CACNA2D3: variants seen among roughly 807,000 people sequenced by gnomAD.
CACNA2D3 encodes the protein voltage-dependent calcium channel subunit alpha-2/delta-3.
CACNA2D3 carries 60 observed loss-of-function variants against 160.6 expected under a neutral mutation model. The observed-to-expected ratio is 0.37, with a 90% confidence interval of 0.30 to 0.46. CACNA2D3 has a LOEUF of 0.46. Among genes scored for constraint, CACNA2D3 ranks in the 20% least tolerant of loss-of-function variants. The pLI is 1.00. For missense variants in CACNA2D3, 1,205 were observed against 1,365.0 expected (o/e 0.88, Z 1.85); for synonymous variants, 558 against 492.9 (o/e 1.13, Z -1.75).
chr3:54,687,044 T>C (rs1700459584), intron 11 of CACNA2D3, among the ~76,000 whole-genome samples: 2 of 151,710 alleles, frequency 1.3e-5, no homozygotes, highest in Admixed American at 6.6e-5. Context: ...ATGGTCTCTA[T>C]AGGTGGCATA....
intron 3 of CACNA2D3, chr3:54,386,099 G>A: frequency 5.3e-6 from 2 of 379,630 alleles, no homozygotes; most frequent in Non-Finnish European, 1.0e-5. Context: ...TGGCTGAGAA[G>A]AATAACAAGA....
chr3:54,802,587 C>T (rs1341370399), intron 13 of CACNA2D3, among the ~76,000 whole-genome samples: 1 of 152,110 alleles, frequency 6.6e-6, no homozygotes, highest in African/African-American at 2.4e-5. Flanking sequence ...AAGAGATACC[C>T]AGCTGCAAGT....
chr3:54,194,823 T>G (rs1003096216), intron 2 of CACNA2D3, among the ~76,000 whole-genome samples: 1 of 152,220 alleles, frequency 6.6e-6, no homozygotes, highest in Non-Finnish European at 1.5e-5. Flanking sequence ...AAAGCCCTCA[T>G]GATTTAATCA....
At chr3:54,872,826 C>T (rs568932602) in intron 18 of CACNA2D3, among the ~76,000 whole-genome samples, 7 of 152,260 alleles carry the variant, frequency 4.6e-5, no homozygotes, top group African/African-American at 1.2e-4. Flanking sequence ...CCCTTTTCCC[C>T]GCAAGCCAAT....
At chr3:54,564,288 T>C (rs1365171384) in intron 6 of CACNA2D3, among the ~76,000 whole-genome samples, 1 of 152,214 alleles carries the variant, frequency 6.6e-6, no homozygotes, top group African/African-American at 2.4e-5. Flanking sequence ...GGAATCCTCA[T>C]AAAGGGTTTG....
At chr3:54,338,839 C>T (rs906478201) in intron 3 of CACNA2D3, among the ~76,000 whole-genome samples, 4 of 152,110 alleles carry the variant, frequency 2.6e-5, no homozygotes, top group African/African-American at 9.7e-5. Flanking sequence ...GCCTGTAAAA[C>T]ATGTGTCCCA....
At chr3:54,534,639 C>G (rs1575508337) in intron 5 of CACNA2D3, among the ~76,000 whole-genome samples, 1 of 151,988 alleles carries the variant, frequency 6.6e-6, no homozygotes, top group East Asian at 1.9e-4. Flanking sequence ...AAAAAAGATT[C>G]TGGCTGGGCA....
intron 29 of CACNA2D3, among the ~76,000 whole-genome samples, chr3:54,975,127 C>G (rs1262408186): frequency 6.6e-6 from 1 of 152,138 alleles, no homozygotes; most frequent in Non-Finnish European, 1.5e-5. Flanking sequence ...ATAATTTAAT[C>G]CAAGTGGTCA....
chr3:54,657,335 C>T (rs1282340494), intron 11 of CACNA2D3, among the ~76,000 whole-genome samples: 1 of 152,146 alleles, frequency 6.6e-6, no homozygotes, highest in Non-Finnish European at 1.5e-5. Flanking sequence ...CACCTCCAAA[C>T]ATTTCCTTGT....
intron 11 of CACNA2D3, among the ~76,000 whole-genome samples, chr3:54,749,155 A>G (rs1701811282): frequency 6.6e-6 from 1 of 152,230 alleles, no homozygotes; most frequent in East Asian, 1.9e-4. Context: ...GTAAAATGGT[A>G]TAAAATTTAT....
At chr3:55,033,137 G>C (rs1380572977) in intron 35 of CACNA2D3, among the ~76,000 whole-genome samples, 1 of 152,114 alleles carries the variant, frequency 6.6e-6, no homozygotes, top group Non-Finnish European at 1.5e-5. Flanking sequence ...GCTTGCCTGA[G>C]GTCCTACAGG....
intron 10 of CACNA2D3, among the ~76,000 whole-genome samples, chr3:54,635,395 G>C (rs1350188707): frequency 6.6e-6 from 1 of 151,992 alleles, no homozygotes; most frequent in Non-Finnish European, 1.5e-5. Context: ...TGATGGCTTG[G>C]AGAAACAGTG....
intron 11 of CACNA2D3, among the ~76,000 whole-genome samples, chr3:54,679,676 C>G (rs1340406854): frequency 6.6e-6 from 1 of 152,220 alleles, no homozygotes; most frequent in Non-Finnish European, 1.5e-5. Context: ...GAAATAGATT[C>G]AGGACCATGC....
intron 3 of CACNA2D3, among the ~76,000 whole-genome samples, chr3:54,333,665 C>T (rs1365548375): frequency 6.6e-6 from 1 of 151,774 alleles, no homozygotes; most frequent in African/African-American, 2.4e-5. Context: ...GCAGCCGCCT[C>T]TATTGTGCTG....
At chr3:54,871,091 C>T (rs1190307361) in intron 17 of CACNA2D3, among the ~76,000 whole-genome samples, 1 of 122,292 alleles carries the variant, frequency 8.2e-6, no homozygotes, top group East Asian at 2.3e-4. Context: ...CACACACACA[C>T]ACCATTCAAT....
chr3:54,308,674 G>A (rs1007725749), intron 2 of CACNA2D3, among the ~76,000 whole-genome samples: 1 of 152,142 alleles, frequency 6.6e-6, no homozygotes, highest in Admixed American at 6.5e-5. Flanking sequence ...TGGTAGCAGT[G>A]TAACTTTGGA....
chr3:54,883,829 T>TCTCTCTCTCTCTCTCTCTCTCC lies in CACNA2D3; in HGVS notation c.1913-1449_1913-1448insTCTCTCTCTCTCTCTCTCCCTC, dbSNP rs753661413. ...TCTCTCTCTCTCTCTCTCTCCTCTC[T>TCTCTCTCTCTCTCTCTCTCTCC]CTCCCTTCAACCCTCCTTATCTCTT... On this transcript the variant is annotated intron_variant, in intron 21 of 37. Transcript: ENST00000474759. Among the ~76,000 whole-genome samples, 79 of 145,776 alleles carry TCTCTCTCTCTCTCTCTCTCTCC rather than the reference T, an allele frequency of 5.4e-4. 2 individuals are homozygous for TCTCTCTCTCTCTCTCTCTCTCC. The highest frequency in any genetic ancestry group is 1.8e-3 in the African/African-American group (69 of 38,664).
intron 11 of CACNA2D3, among the ~76,000 whole-genome samples, chr3:54,739,453 A>AT (rs1559564958): frequency 5.6e-5 from 8 of 143,082 alleles, no homozygotes; most frequent in African/African-American, 2.2e-4. Context: ...AAAAAAAAAA[A>AT]CCACACACAC....
intron 12 of CACNA2D3, 148 bp downstream of exon 12, chr3:54,752,825 C>T (rs1009095148): frequency 7.9e-5 from 37 of 467,334 alleles, no homozygotes; most frequent in South Asian, 1.8e-4. Flanking sequence ...GTAACGGTTT[C>T]TTCCAAATTA....
Sources: gnomAD v4.1 joint callset for allele counts (sites outside exome capture counted in the v4.1 genomes callset) on GRCh38, gnomAD v4.1.1 for gene constraint, MANE v1.5 for transcripts, NCBI Gene and HGNC (gene_info 2026-07-23, HGNC 2026-07-21) for gene names.